The following SNX11 variants were observed in gnomAD, a reference collection of about 807,000 sequenced individuals.
The protein encoded by SNX11 is sorting nexin 11.
A neutral mutation model predicts 30.7 loss-of-function variants in SNX11; 19 were observed. That is an observed-to-expected ratio of 0.62 (90% CI 0.43 to 0.91). The LOEUF is 0.91. SNX11 is among the 40% of genes least tolerant of loss of function. The pLI is 0.00. For synonymous variants in SNX11, 112 were observed against 119.0 expected, an observed-to-expected ratio of 0.94 and a Z score of 0.38; for missense variants, 302 against 326.7, an observed-to-expected ratio of 0.92 and a Z score of 0.58.
chr17:48,113,800 G>A (rs1298738532), intron 4 of SNX11, among the ~76,000 whole-genome samples: 2 of 151,720 alleles, frequency 1.3e-5, no homozygotes, highest in Admixed American at 1.3e-4. Context: ...CTCCTGCCTT[G>A]GCCTTCCAAA....
chr17:48,112,115 G>T (rs2063498344), intron 2 of SNX11, 30 bp downstream of exon 2: 4 of 1,603,310 alleles, frequency 2.5e-6, no homozygotes, highest in Non-Finnish European at 3.4e-6. Context: ...AGAACAGGTG[G>T]GTAAAAGTTG....
chr17:48,113,489 G>A, intron 4 of SNX11, 88 bp downstream of exon 4: 1 of 865,966 alleles, frequency 1.2e-6, no homozygotes, highest in Non-Finnish European at 2.0e-6. Flanking sequence ...AAGAGAACTT[G>A]CAACATACCA....
intron 1 of SNX11, among the ~76,000 whole-genome samples, chr17:48,110,055 T>G (rs1295092954): frequency 1.3e-5 from 2 of 152,160 alleles, no homozygotes; most frequent in Non-Finnish European, 2.9e-5. Context: ...TAGTTTTGTT[T>G]AAAGACACTT....
In SNX11 at chr17:48,119,731, CA is replaced by C. The variant is rs1364005148; in HGVS notation, c.539+546del. Among the ~76,000 whole-genome samples the C allele has an allele frequency of 1.8e-4, 11 of 60,616 alleles. No individual in the cohort carries two copies. In the East Asian group the frequency reaches 3.3e-3, roughly 18 times the overall value. 39.8% of individuals were successfully genotyped at this position (60,616 alleles called of 152,430 possible). On this transcript the variant is annotated intron_variant, in intron 6 of 6. Coordinates refer to ENST00000359238, the MANE Select transcript of SNX11 (RefSeq NM_013323.3). ...CCTCCCAAAGTGCTAGGATTATTGGCATAAGCCTGGCCTAATAGCTTTATTG... is the reference window on the plus strand; with the variant it reads ...CCTCCCAAAGTGCTAGGATTATTGGCTAAGCCTGGCCTAATAGCTTTATTG...
chr17:48,111,006 A>G (rs2063486830), intron 1 of SNX11: 2 of 823,930 alleles, frequency 2.4e-6, no homozygotes, highest in Middle Eastern at 6.1e-4. Flanking sequence ...CACATTGGGG[A>G]AAATCAGGGG....
chr17:48,115,303 C>T (rs1378859511), intron 4 of SNX11, among the ~76,000 whole-genome samples: 1 of 152,022 alleles, frequency 6.6e-6, no homozygotes, highest in Non-Finnish European at 1.5e-5. Flanking sequence ...CTCAGGCAAT[C>T]CGCCTGCCTC....
rs778437886 is a variant in SNX11, at chr17:48,113,388, A to G, written c.217A>G (p.Asn73Asp). Residue 73 changes from asparagine to aspartate, a missense_variant, in exon 4 of 7, where the codon AAT becomes GAT. By Grantham distance (23) the Asn-to-Asp change is conservative (BLOSUM62 1). Transcript: ENST00000359238. ...GTGGCTGAGAAAGCAGCTACAGAGA[A>G]ATGCTGGTTTGGTGTGAGTTTGCTC... is the stretch of plus-strand genomic sequence containing the variant. Reference protein sequence around the residue: ...FVWLRKQLQRNAGLVPVPELP... With the variant: ...FVWLRKQLQRDAGLVPVPELP... 5.6e-6 allele frequency: 9 copies of G among 1,613,368 alleles called. No individual in the cohort carries two copies.
intron 6 of SNX11, among the ~76,000 whole-genome samples, chr17:48,120,139 A>G (rs2063583585): frequency 6.6e-6 from 1 of 150,562 alleles, no homozygotes; most frequent in Non-Finnish European, 1.5e-5. Context: ...ATGGCTAAAT[A>G]GCAGTCCATT....
chr17:48,119,735 A>AGCCACTGT (rs57478516), intron 6 of SNX11, among the ~76,000 whole-genome samples: 109,960 of 151,458 alleles, frequency 0.73, 40,633 homozygotes, highest in Admixed American at 0.81. Context: ...TATTGGCATA[A>AGCCACTGT]GCCTGGCCTA....
rs868732201 is a variant in SNX11 at position 48,120,814 on chromosome 17, T to C, written c.540-421T>C. Among the ~76,000 whole-genome samples the C allele has an allele frequency of 2.1e-4, 32 of 152,038 alleles. 1 individual carries two copies. Among genetic ancestry groups the C allele is most frequent in the Middle Eastern group, 3.4e-3 (1 of 294 alleles). ...CGTGAGCCACCACGCCCGGCCTCTT[T>C]TTTATTTTTTTAAATTGAGATAGGG... is the stretch of plus-strand genomic sequence containing the variant. On this transcript the variant is annotated intron_variant, in intron 6 of 6. Coordinates refer to ENST00000359238, the MANE Select transcript of SNX11 (RefSeq NM_013323.3).
At chr17:48,115,351 C>T (rs754340835) in intron 4 of SNX11, among the ~76,000 whole-genome samples, 2 of 152,118 alleles carry the variant, frequency 1.3e-5, no homozygotes, top group East Asian at 1.9e-4. Flanking sequence ...CGTGAGCCAC[C>T]GCACCCGGCC....
chr17:48,111,810 G>T (rs2063495389), intron 1 of SNX11: 1 of 546,608 alleles, frequency 1.8e-6, no homozygotes, highest in Non-Finnish European at 3.3e-6. Context: ...CTAGTTGAGG[G>T]CCTGGTCTGA....
At chr17:48,116,401 G>T (rs79667066) in intron 4 of SNX11, among the ~76,000 whole-genome samples, 2 of 152,022 alleles carry the variant, frequency 1.3e-5, no homozygotes, top group South Asian at 4.1e-4. Context: ...ATTTTTTGTA[G>T]AGAAAGGTCT....
At chr17:48,115,006 C>T (rs1325938689) in intron 4 of SNX11, among the ~76,000 whole-genome samples, 6 of 151,384 alleles carry the variant, frequency 4.0e-5, no homozygotes, top group Non-Finnish European at 8.8e-5. Context: ...GATCCACCTG[C>T]CTTGGCCTTC....
chr17:48,109,566 G>A (rs2063470032), intron 1 of SNX11, among the ~76,000 whole-genome samples: 1 of 148,010 alleles, frequency 6.8e-6, no homozygotes, highest in African/African-American at 2.5e-5. Flanking sequence ...CCCATCTGGA[G>A]GTTTTTTGTT....
chr17:48,117,256 TA>T (rs1347639292), intron 4 of SNX11, among the ~76,000 whole-genome samples: 23 of 28,370 alleles, frequency 8.1e-4, no homozygotes, highest in Admixed American at 1.8e-3. Flanking sequence ...TTTATTTATT[TA>T]ATTTTTTTTT....
intron 4 of SNX11, among the ~76,000 whole-genome samples, chr17:48,117,246 T>G (rs2063555220): frequency 1.2e-5 from 1 of 86,734 alleles, no homozygotes; most frequent in Admixed American, 1.6e-4. Flanking sequence ...TTTTTATTTA[T>G]TTATTTATTT....
rs577051716 is a variant in SNX11 at position 48,108,060 on chromosome 17, C to CA, written c.-14+222_-14+223insA. The CA allele has an allele frequency of 5.3e-3, 806 of 152,302 alleles. 7 individuals carry two copies. Among genetic ancestry groups the CA allele is most frequent in the Middle Eastern group, 0.034 (10 of 294 alleles). 9.4% of individuals were successfully genotyped at this position (152,302 alleles called of 1,614,324 possible). ...AAGTGTATCTTTCACTTCCTACCCC[C>CA]CAAGCTTAATCGGAAAGAAAGAAGG... On this transcript the variant is annotated intron_variant, in intron 1 of 6. Transcript: ENST00000359238.
intron 4 of SNX11, among the ~76,000 whole-genome samples, chr17:48,117,137 C>T (rs527948120): frequency 1.6e-4 from 25 of 152,158 alleles, no homozygotes; most frequent in African/African-American, 5.8e-4. Flanking sequence ...TCACCACAAC[C>T]TCCGCCTCCC....
Sources: gnomAD v4.1 joint callset for allele counts (sites outside exome capture counted in the v4.1 genomes callset) on GRCh38, gnomAD v4.1.1 for gene constraint, MANE v1.5 for transcripts, NCBI Gene and HGNC (gene_info 2026-07-23, HGNC 2026-07-21) for gene names.